The following TTC39C variants were observed in gnomAD, a reference collection of about 807,000 sequenced individuals.
TTC39C encodes the protein tetratricopeptide repeat protein 39C.
Under a neutral mutation model 76.3 loss-of-function variants are expected in TTC39C, and 33 were observed. The observed-to-expected ratio is 0.43, with a 90% CI of 0.33 to 0.58. The LOEUF (loss-of-function observed/expected upper bound fraction) is 0.58, where lower values mean the gene tolerates loss of function less well. Among genes scored for constraint, TTC39C ranks in the 20% least tolerant of loss-of-function variants. The pLI, the probability that TTC39C is intolerant of heterozygous loss-of-function variation, is 0.04. For missense variants in TTC39C, 595 were observed against 701.4 expected, an observed-to-expected ratio of 0.85 and a Z score of 1.71; for synonymous variants, 254 against 260.6, an observed-to-expected ratio of 0.97 and a Z score of 0.24.
chr18:24,116,570 C>G (rs1392621842), intron 7 of TTC39C, among the ~76,000 whole-genome samples: 1 of 152,076 alleles, frequency 6.6e-6, no homozygotes, highest in African/African-American at 2.4e-5. Flanking sequence ...AATTTTTACT[C>G]TAAACTATGT....
chr18:24,093,740 T>A (rs1260774416), intron 6 of TTC39C, among the ~76,000 whole-genome samples: 2 of 152,224 alleles, frequency 1.3e-5, no homozygotes, highest in Admixed American at 1.3e-4. Context: ...CTGTTAAGTG[T>A]GCAGTAGCAT....
At chr18:24,094,333 C>T (rs2084562878) in intron 6 of TTC39C, among the ~76,000 whole-genome samples, 1 of 152,166 alleles carries the variant, frequency 6.6e-6, no homozygotes, top group South Asian at 2.1e-4. Flanking sequence ...AAGTCTTGAA[C>T]CTCTCAAAGA....
chr18:24,065,993 A>T lies in TTC39C; in HGVS notation c.217-19A>T, dbSNP rs2084161535. The T allele has an allele frequency of 6.5e-6, 10 of 1,540,418 alleles. No homozygotes were observed. The highest frequency in any genetic ancestry group is 2.2e-5 in the Admixed American group (1 of 44,502). On this transcript the variant is annotated intron_variant, in intron 2 of 13. Transcript: ENST00000317571. ...CAGATACTAATTCATTCATTCATTC[A>T]TTCTTTCTTTCTTGGAAGAATGCCA...
chr18:24,015,746 A>G (rs1399901096), intron 1 of TTC39C, among the ~76,000 whole-genome samples: 1 of 152,236 alleles, frequency 6.6e-6, no homozygotes, highest in African/African-American at 2.4e-5. Context: ...TTTAAAAAGT[A>G]TGAGAATGGT....
intron 6 of TTC39C, among the ~76,000 whole-genome samples, chr18:24,088,870 C>A (rs2084480812): frequency 6.6e-6 from 1 of 152,224 alleles, no homozygotes; most frequent in African/African-American, 2.4e-5. Context: ...ACTTCTATCC[C>A]CGGCGTGCCT....
intron 4 of TTC39C, chr18:24,076,728 C>A (rs2084312134): frequency 6.6e-6 from 1 of 152,148 alleles, no homozygotes; most frequent in Admixed American, 6.5e-5. Flanking sequence ...ATCTTTGACT[C>A]AGTCAAAAAC....
At chr18:24,009,313 A>C (rs1371119047) in intron 1 of TTC39C, among the ~76,000 whole-genome samples, 1 of 152,174 alleles carries the variant, frequency 6.6e-6, no homozygotes, top group Non-Finnish European at 1.5e-5. Context: ...TCCCTTATCC[A>C]TGGGACTGGA....
intron 1 of TTC39C, among the ~76,000 whole-genome samples, chr18:24,002,138 G>T (rs941578201): frequency 6.6e-6 from 1 of 152,142 alleles, no homozygotes; most frequent in African/African-American, 2.4e-5. Flanking sequence ...GGGGCTGTCA[G>T]CCTCCTTGGT....
intron 1 of TTC39C, among the ~76,000 whole-genome samples, chr18:24,051,247 T>G (rs1264945400): frequency 6.6e-6 from 1 of 152,218 alleles, no homozygotes; most frequent in African/African-American, 2.4e-5. Context: ...GGCTAACAGC[T>G]TCACTGATCT....
intron 6 of TTC39C, among the ~76,000 whole-genome samples, chr18:24,101,699 T>C (rs1416511357): frequency 2.0e-5 from 3 of 152,238 alleles, no homozygotes; most frequent in African/African-American, 7.2e-5. Flanking sequence ...TTGACACATA[T>C]TAGGTCTTCT....
rs1007094401 is a variant in TTC39C, at chr18:24,134,730, A to G, written c.*2156A>G. 1 of 152,118 alleles carries G rather than the reference A, an allele frequency of 6.6e-6. No individual in the cohort carries two copies. Among genetic ancestry groups the G allele is most frequent in the African/African-American group, 2.4e-5 (1 of 41,418 alleles). 9.4% of individuals were successfully genotyped at this position (152,118 alleles called of 1,614,324 possible). On this transcript the variant is annotated 3_prime_UTR_variant, in exon 14 of 14. Transcript: ENST00000317571. ...CTGAATCATGACATTTTTGTTTGAGAGTTCATTCTTGAATTTTCAGTTCAA... is the reference window on the plus strand; with the variant it reads ...CTGAATCATGACATTTTTGTTTGAGGGTTCATTCTTGAATTTTCAGTTCAA...
intron 4 of TTC39C, among the ~76,000 whole-genome samples, chr18:24,072,224 G>A (rs889602658): frequency 6.6e-5 from 10 of 151,556 alleles, no homozygotes; most frequent in African/African-American, 2.4e-4. Context: ...CAGCACTGAG[G>A]GGCCAGGGGC....
intron 3 of TTC39C, among the ~76,000 whole-genome samples, chr18:24,067,256 A>G (rs750348297): frequency 1.3e-5 from 2 of 152,172 alleles, no homozygotes; most frequent in Non-Finnish European, 2.9e-5. Flanking sequence ...TCAATGACCA[A>G]GTGCTGTTGA....
At chr18:24,049,111 A>G (rs2083919812) in intron 1 of TTC39C, among the ~76,000 whole-genome samples, 1 of 152,240 alleles carries the variant, frequency 6.6e-6, no homozygotes, top group Non-Finnish European at 1.5e-5. Context: ...CAAGAACTAT[A>G]TTTGTAAAAT....
At chr18:24,035,030 TTTTC>T (rs1404039669) in intron 1 of TTC39C, among the ~76,000 whole-genome samples, 14 of 127,486 alleles carry the variant, frequency 1.1e-4, no homozygotes, top group Non-Finnish European at 8.4e-5. Context: ...CCAGTTTTAA[TTTTC>T]TTTATTTCTT....
Position 24,080,755 on chromosome 18 carries a change from T to G in TTC39C, c.631T>G (p.Ser211Ala). 6.2e-7 allele frequency: 1 copy of G among 1,613,938 alleles called. No homozygotes were observed. Among genetic ancestry groups the G allele is most frequent in the Non-Finnish European group, 8.5e-7 (1 of 1,179,978 alleles). Reference sequence around the variant, plus strand: ...TGTGGCTGAAGGGGTGTCTGAGGAGTCTCTGAACAGACTGAAAGGTGCTGT... The same window carrying G: ...TGTGGCTGAAGGGGTGTCTGAGGAGGCTCTGAACAGACTGAAAGGTGCTGT... ...HIVAEGVSEESLNRLKGAVSF... is the reference protein window; with the variant it reads ...HIVAEGVSEEALNRLKGAVSF... The change falls in exon 5 of 14, where the codon TCT becomes GCT. Residue 211 changes from serine (S) to alanine (A), a missense_variant. Coordinates refer to ENST00000317571, the MANE Select transcript of TTC39C (RefSeq NM_001135993.2).
intron 1 of TTC39C, among the ~76,000 whole-genome samples, chr18:24,056,377 T>G (rs1385251826): frequency 6.6e-6 from 1 of 152,102 alleles, no homozygotes; most frequent in African/African-American, 2.4e-5. Flanking sequence ...TTCTAGGAAC[T>G]AAACATTAAA....
chr18:24,131,215 A>G (rs1007780537), intron 12 of TTC39C, among the ~76,000 whole-genome samples: 1 of 150,772 alleles, frequency 6.6e-6, no homozygotes, highest in African/African-American at 2.4e-5. Context: ...TCTCAAAAAA[A>G]AAAAAAAAAA....
chr18:24,013,340 T>C (rs528401562), upstream of TTC39C, among the ~76,000 whole-genome samples: 208 of 152,344 alleles, frequency 1.4e-3, 2 homozygotes, highest in African/African-American at 4.9e-3. Context: ...GGAGTGGCAG[T>C]AATTCTTATT....
Sources: allele counts gnomAD v4.1 joint callset (sites outside exome capture counted in the v4.1 genomes callset), GRCh38; gene constraint gnomAD v4.1.1; transcripts MANE v1.5; gene names NCBI Gene and HGNC (gene_info 2026-07-23, HGNC 2026-07-21).